The following TLR5 variants were observed in gnomAD, a reference collection of about 807,000 sequenced individuals.
TLR5 encodes toll like receptor 5, also known as toll-like receptor 5.
For synonymous variants in TLR5, 373 were observed against 384.4 expected, an observed-to-expected ratio of 0.97 and a Z score of 0.35; for missense variants, 944 against 999.8, an observed-to-expected ratio of 0.94 and a Z score of 0.75.
rs1209059670 is a variant in TLR5 at position 223,111,112 on chromosome 1, G to A, written c.1920C>T (p.Phe640=). 6.2e-7 allele frequency: 1 copy of A among 1,614,186 alleles called. No individual in the cohort carries two copies. Among genetic ancestry groups the A allele is most frequent in the Non-Finnish European group, 8.5e-7 (1 of 1,180,040 alleles). ...DEEEVLKSLK[F]SLFIVCTVTL... is the part of the protein sequence containing the mutation. ...TGACAGTGCATACAATGAAAAGGGA[G>A]AACTTTAGGGACTTTAAGACTTCCT... The change falls in exon 6 of 6, where the codon TTC becomes TTT. Residue 640 remains phenylalanine (F), a synonymous_variant. Transcript: ENST00000642603.
intron 5 of TLR5, among the ~76,000 whole-genome samples, chr1:223,117,295 C>G (rs2102883265): frequency 6.6e-6 from 1 of 152,116 alleles, no homozygotes; most frequent in East Asian, 1.9e-4. Context: ...GCACCCCAGC[C>G]CTGGTTCCTG....
chr1:223,131,267 C>T lies in TLR5; in HGVS notation c.-5+1208G>A, dbSNP rs894416262. 6.6e-6 allele frequency among the ~76,000 whole-genome samples: 1 copy of T among 152,218 alleles called. No homozygotes were observed. The highest frequency in any genetic ancestry group is 1.5e-5 in the Non-Finnish European group (1 of 68,038). On this transcript the variant is annotated intron_variant, in intron 5 of 5. Transcript: ENST00000642603. This position sits in a 1 kb window ranked among gnomAD's most constrained non-coding sequence, Gnocchi z 4.2. ...ATTCTGGAATGGTTGACTAGAGAGGCCCTCAGGGCTTGAACCCTTTCATTT... is the reference window on the plus strand; with the variant it reads ...ATTCTGGAATGGTTGACTAGAGAGGTCCTCAGGGCTTGAACCCTTTCATTT...
Position 223,111,191 on chromosome 1 carries a change from T to C in TLR5, c.1841A>G (p.Asp614Gly). The C allele has an allele frequency of 6.2e-7, 1 of 1,614,056 alleles. No individual in the cohort carries two copies. ...PPADIYCVYP[D>G]SFSGVSLFSL... is the part of the protein sequence containing the mutation. ...GAAGAGGGAAACCCCAGAGAACGAG[T>C]CAGGGTACACACAATATATGTCTGC... Residue 614 changes from aspartate (D) to glycine (G), a missense_variant, in exon 6 of 6, where the codon GAC (aspartate) becomes GGC (glycine). Physicochemically the swap from Asp to Gly is moderately conservative, Grantham distance 94. Transcript: ENST00000642603.
rs1458093153 is a variant in TLR5 at position 223,111,460 on chromosome 1, A to T, written c.1572T>A (p.His524Gln). 2 of 1,614,074 alleles carry T rather than the reference A, an allele frequency of 1.2e-6. No homozygotes were observed. The highest frequency in any genetic ancestry group is 2.7e-5 in the African/African-American group (2 of 74,926). Residue 524 changes from histidine (H) to glutamine (Q), a missense_variant, in exon 6 of 6, where the codon CAT (histidine) becomes CAA (glutamine). By Grantham distance (24) the His-to-Gln change is conservative. Transcript: ENST00000642603. ...GGCTTAGTCCCCTTAATGCAGTCAG[A>T]TGGCTAAATACTCCTGGTGGAAGGG... ...LNSLPPGVFS[H>Q]LTALRGLSLN... is the part of the protein sequence containing the mutation.
rs1473003072 is a variant in TLR5, at chr1:223,131,145, G to T, written c.-5+1330C>A. ...TTACTATCTGAGGGGGCTTCCTAGG[G>T]CATGACTCTGATTAGAAGTCTTCAC... On this transcript the variant is annotated intron_variant, in intron 5 of 5. Coordinates refer to ENST00000642603, the MANE Select transcript of TLR5 (RefSeq NM_003268.6). This position sits in a 1 kb window ranked among gnomAD's most constrained non-coding sequence, Gnocchi z 4.2. 1.3e-5 allele frequency among the ~76,000 whole-genome samples: 2 copies of T among 152,062 alleles called. No individual in the cohort carries two copies. Among genetic ancestry groups the T allele is most frequent in the African/African-American group, 4.8e-5 (2 of 41,402 alleles).
At position 223,110,551 on chromosome 1, in the gene TLR5, C is replaced by G. The variant is rs1419876993; in HGVS notation, c.2481G>C (p.Trp827Cys). ...RWPEDLQDVG[W>C]FLHKLSQQIL... ...TCTGTTGAGAGAGTTTATGAAGAAA[C>G]CAGCCAACATCCTGGAGATCCTCAG... Residue 827 changes from tryptophan (W) to cysteine (C), a missense_variant, in exon 6 of 6, where the codon TGG becomes TGC. Trp to Cys is a radical substitution (Grantham distance 215). Transcript: ENST00000642603. 6.2e-7 allele frequency: 1 copy of G among 1,613,948 alleles called. No homozygotes were observed. Among genetic ancestry groups the G allele is most frequent in the Non-Finnish European group, 8.5e-7 (1 of 1,180,018 alleles).
At chr1:223,124,975 T>C (rs887854136) in intron 5 of TLR5, among the ~76,000 whole-genome samples, 2 of 152,168 alleles carry the variant, frequency 1.3e-5, no homozygotes, top group Non-Finnish European at 2.9e-5. Context: ...CAGATGTGGG[T>C]GCATGTGGCT....
chr1:223,115,901 A>C (rs1352667658), intron 5 of TLR5, among the ~76,000 whole-genome samples: 27 of 152,304 alleles, frequency 1.8e-4, no homozygotes, highest in Non-Finnish European at 2.9e-5. Flanking sequence ...AGTACCAGCC[A>C]TCCTGGAATA....
intron 5 of TLR5, among the ~76,000 whole-genome samples, chr1:223,116,762 G>C (rs979888316): frequency 2.0e-5 from 3 of 152,090 alleles, no homozygotes; most frequent in African/African-American, 7.2e-5. Flanking sequence ...CAATAGATTA[G>C]CTAGACACAG....
In TLR5 at chr1:223,117,713, T is replaced by C. The variant is rs148464234; in HGVS notation, c.-4-4678A>G. 2.7e-3 allele frequency among the ~76,000 whole-genome samples: 411 copies of C among 152,334 alleles called. 8 individuals are homozygous for C. In the East Asian group the frequency reaches 0.03, roughly 11 times the overall value. ...TTTATCTGTAACACTCTAAAAGCCG[T>C]GGCTCTTGATGGGGACAGCTGCCTC... is the stretch of plus-strand genomic sequence containing the variant. On this transcript the variant is annotated intron_variant, in intron 5 of 5. Transcript: ENST00000642603.
intron 5 of TLR5, among the ~76,000 whole-genome samples, chr1:223,120,399 C>T (rs115333392): frequency 0.011 from 1,660 of 152,312 alleles, 32 homozygotes; most frequent in African/African-American, 0.038. Flanking sequence ...GACCTGGAAG[C>T]CCCAGGCTTT....
chr1:223,132,777 G>A (rs966634892), intron 4 of TLR5, 138 bp from the exon 5 acceptor site: 3 of 152,204 alleles, frequency 2.0e-5, no homozygotes, highest in African/African-American at 7.2e-5. Flanking sequence ...ATTTTAATTG[G>A]AAAAGATCAA....
intron 5 of TLR5, among the ~76,000 whole-genome samples, chr1:223,125,303 G>T (rs1232375208): frequency 6.6e-6 from 1 of 152,160 alleles, no homozygotes; most frequent in Non-Finnish European, 1.5e-5. Flanking sequence ...TAGAAAAGAT[G>T]CAGGTTCTAT....
intron 5 of TLR5, among the ~76,000 whole-genome samples, chr1:223,132,089 A>G (rs1463401713): frequency 6.6e-6 from 1 of 151,424 alleles, no homozygotes; most frequent in Admixed American, 6.6e-5. Flanking sequence ...AGGACTGGGC[A>G]TGGTGGCTCA....
chr1:223,118,911 C>T (rs1336499193), intron 5 of TLR5, among the ~76,000 whole-genome samples: 2 of 151,912 alleles, frequency 1.3e-5, no homozygotes, highest in East Asian at 3.9e-4. Flanking sequence ...TGAGACGAGC[C>T]TGGCCAACAT....
chr1:223,120,605 G>A, intron 5 of TLR5, among the ~76,000 whole-genome samples: 1 of 152,222 alleles, frequency 6.6e-6, no homozygotes, highest in East Asian at 1.9e-4. Context: ...ATTTTGCAGA[G>A]TTTGACTTTT....
intron 5 of TLR5, among the ~76,000 whole-genome samples, chr1:223,119,997 T>TAAAATAAAATAAAAAAAATAAAA (rs1656878649): frequency 2.0e-5 from 2 of 99,916 alleles, no homozygotes; most frequent in Admixed American, 1.1e-4. Context: ...TAAAATAAAA[T>TAAAATAAAATAAAAAAAATAAAA]AAAATAAAAT....
In TLR5 at chr1:223,112,694, T is replaced by G. The variant is rs1204069130; in HGVS notation, c.338A>C (p.Asp113Ala). The G allele has an allele frequency of 6.2e-7, 1 of 1,614,104 alleles. No individual in the cohort carries two copies. Among genetic ancestry groups the G allele is most frequent in the Non-Finnish European group, 8.5e-7 (1 of 1,180,056 alleles). Residue 113 changes from aspartate (D) to alanine (A), a missense_variant, in exon 6 of 6, where the codon GAT becomes GCT. Asp to Ala is a moderately radical substitution (Grantham distance 126). Coordinates refer to ENST00000642603, the MANE Select transcript of TLR5 (RefSeq NM_003268.6). ...CAGATGGAACAGTCCCTGAAAAGCATCTGGATGCAAGAAGTATATCTTACT... is the reference window on the plus strand; with the variant it reads ...CAGATGGAACAGTCCCTGAAAAGCAGCTGGATGCAAGAAGTATATCTTACT... Reference protein sequence around the residue: ...GSSKIYFLHPDAFQGLFHLFE... With the variant: ...GSSKIYFLHPAAFQGLFHLFE...
chr1:223,115,497 G>A (rs147178349), intron 5 of TLR5, among the ~76,000 whole-genome samples: 1,629 of 152,220 alleles, frequency 0.011, 32 homozygotes, highest in African/African-American at 0.037. Flanking sequence ...GTGATCCACC[G>A]GCCTTGGCCT....
Sources: allele counts gnomAD v4.1 joint callset (sites outside exome capture counted in the v4.1 genomes callset), GRCh38; gene constraint gnomAD v4.1.1; non-coding constraint Gnocchi (gnomAD v3.1); transcripts MANE v1.5; gene names NCBI Gene and HGNC (gene_info 2026-07-23, HGNC 2026-07-21).